KCNH1: variants seen among roughly 807,000 people sequenced by gnomAD.
KCNH1 encodes potassium voltage-gated channel subfamily H member 1.
KCNH1 carries 27 observed loss-of-function variants against 69.2 expected under a neutral mutation model. The observed-to-expected ratio is 0.39, with a 90% CI of 0.29 to 0.54. The LOEUF (loss-of-function observed/expected upper bound fraction) is 0.54, where lower values mean the gene tolerates loss of function less well. Among genes scored for constraint, KCNH1 ranks in the 20% least tolerant of loss-of-function variants. The probability of loss-of-function intolerance (pLI) is 0.68; values close to 1 mark genes in which losing one functional copy is unlikely to be tolerated. For synonymous variants in KCNH1, 456 were observed against 487.7 expected, an observed-to-expected ratio of 0.93 and a Z score of 0.86; for missense variants, 798 against 1,261.6, an observed-to-expected ratio of 0.63 and a Z score of 5.57.
At chr1:210,877,449 T>C (rs368236780) in intron 7 of KCNH1, among the ~76,000 whole-genome samples, 1 of 152,152 alleles carries the variant, frequency 6.6e-6, no homozygotes, top group South Asian at 2.1e-4. Flanking sequence ...GGGCAAAGAA[T>C]CCATTTCCTT....
At chr1:210,744,854 A>G (rs1683113662) in intron 10 of KCNH1, among the ~76,000 whole-genome samples, 1 of 152,148 alleles carries the variant, frequency 6.6e-6, no homozygotes, top group Non-Finnish European at 1.5e-5. Context: ...GGGATAAAGC[A>G]GGTGGCAAAG....
chr1:210,786,403 A>G (rs1320386879), intron 9 of KCNH1, among the ~76,000 whole-genome samples: 2 of 152,178 alleles, frequency 1.3e-5, no homozygotes, highest in Non-Finnish European at 2.9e-5. Flanking sequence ...ACACTTGAAA[A>G]TGACCATTTG....
intron 6 of KCNH1, among the ~76,000 whole-genome samples, chr1:210,959,304 G>T (rs2102354583): frequency 6.6e-6 from 1 of 152,226 alleles, no homozygotes; most frequent in Non-Finnish European, 1.5e-5. Flanking sequence ...TCCCAGAGGG[G>T]CACCCGCCTA....
intron 6 of KCNH1, among the ~76,000 whole-genome samples, chr1:210,942,161 C>T (rs1181425191): frequency 6.6e-6 from 1 of 152,152 alleles, no homozygotes; most frequent in Admixed American, 6.5e-5. Flanking sequence ...CTTAATCATT[C>T]TGTGTGGATT....
At chr1:210,922,900 T>C (rs1343930405) in intron 6 of KCNH1, among the ~76,000 whole-genome samples, 2 of 152,192 alleles carry the variant, frequency 1.3e-5, no homozygotes, top group South Asian at 4.1e-4. Flanking sequence ...CACCTCCTCA[T>C]AAGGAGGTCC....
intron 6 of KCNH1, among the ~76,000 whole-genome samples, chr1:211,017,348 C>A (rs937896252): frequency 6.6e-6 from 1 of 152,160 alleles, no homozygotes; most frequent in Non-Finnish European, 1.5e-5. Flanking sequence ...CGGCAGGGAG[C>A]AAGCTGTTCC....
At chr1:210,837,306 G>C (rs886373915) in intron 7 of KCNH1, among the ~76,000 whole-genome samples, 5 of 152,110 alleles carry the variant, frequency 3.3e-5, no homozygotes, top group African/African-American at 4.8e-5. Context: ...CCTGTGCTTA[G>C]CTCTATTGTA....
Position 211,097,740 on chromosome 1 carries a change from G to T in KCNH1, c.310+5756C>A, listed in dbSNP as rs531623207. Among the ~76,000 whole-genome samples the T allele has an allele frequency of 2.0e-5, 3 of 152,300 alleles. No individual in the cohort carries two copies. In the South Asian group the frequency reaches 6.2e-4, roughly 32 times the overall value. On this transcript the variant is annotated intron_variant, in intron 3 of 10. Transcript: ENST00000271751. ...TAGGTAATCAATATGTACCTGGCCA[G>T]CAGCTTCTCCTTGCTAGCACAGCAG...
chr1:210,690,597 A>T (rs1382743418), intron 10 of KCNH1, among the ~76,000 whole-genome samples: 2 of 152,218 alleles, frequency 1.3e-5, no homozygotes, highest in African/African-American at 4.8e-5. Flanking sequence ...GGCAGATAGG[A>T]TGAGGCAGTT....
chr1:210,980,819 ATG>A (rs57591026), intron 6 of KCNH1, among the ~76,000 whole-genome samples: 105,250 of 148,828 alleles, frequency 0.71, 37,379 homozygotes, highest in African/African-American at 0.8. Context: ...GTATTAGACA[ATG>A]TGTGTGTGTG....
chr1:211,105,353 C>A (rs1691331996), intron 2 of KCNH1, among the ~76,000 whole-genome samples: 1 of 152,036 alleles, frequency 6.6e-6, no homozygotes, highest in African/African-American at 2.4e-5. Flanking sequence ...AAAAGAAATC[C>A]CTGTAAAGTT....
chr1:210,715,494 C>CTGTT (rs981246109), intron 10 of KCNH1, among the ~76,000 whole-genome samples: 6 of 148,906 alleles, frequency 4.0e-5, no homozygotes, highest in African/African-American at 1.5e-4. Context: ...TAGCAAGACC[C>CTGTT]TGTTTCTATT....
At chr1:210,957,337 T>C (rs557309422) in intron 6 of KCNH1, among the ~76,000 whole-genome samples, 1 of 152,346 alleles carries the variant, frequency 6.6e-6, no homozygotes, top group South Asian at 2.1e-4. Flanking sequence ...TGTCCAATTA[T>C]GTTGTCAATT....
chr1:211,115,324 G>A (rs1056784923), intron 1 of KCNH1, among the ~76,000 whole-genome samples: 4 of 152,122 alleles, frequency 2.6e-5, no homozygotes, highest in African/African-American at 7.2e-5. Flanking sequence ...GACTACCTGT[G>A]ATGGTTAATA....
intron 7 of KCNH1, among the ~76,000 whole-genome samples, chr1:210,857,793 A>T (rs1685887476): frequency 6.6e-6 from 1 of 152,150 alleles, no homozygotes; most frequent in Non-Finnish European, 1.5e-5. Context: ...ATAAAGGCTT[A>T]TTTTTCAACT....
intron 5 of KCNH1, among the ~76,000 whole-genome samples, chr1:211,071,895 A>G (rs1690650845): frequency 1.3e-5 from 2 of 152,196 alleles, no homozygotes; most frequent in Non-Finnish European, 2.9e-5. Context: ...AAGCAAGAAG[A>G]TAAGTGGAGT....
rs371887532 is a variant in KCNH1 at position 210,797,591 on chromosome 1, G to A, written c.1832C>T (p.Ala611Val). 3.1e-6 allele frequency: 5 copies of A among 1,614,110 alleles called. No homozygotes were observed. The highest frequency in any genetic ancestry group is 3.4e-6 in the Non-Finnish European group (4 of 1,180,044). Residue 611 changes from alanine (A) to valine (V), a missense_variant, in exon 9 of 11, where the codon GCA (alanine) becomes GTA (valine). By Grantham distance (64) the Ala-to-Val change is moderately conservative. This residue lies in a region of KCNH1 where 197 missense variants were observed against 407.7 expected (regional missense o/e 0.48). Transcript: ENST00000271751. ...HCAPGDLIYH[A>V]GESVDSLCFV... is the part of the protein sequence containing the mutation. ...GCAGAGGCTGTCAACGCTCTCTCCT[G>A]CATGGTAGATGAGGTCCCCTGGGGC...
At chr1:211,026,395 AC>A (rs371993158) in intron 5 of KCNH1, among the ~76,000 whole-genome samples, 9 of 143,536 alleles carry the variant, frequency 6.3e-5, no homozygotes, top group East Asian at 2.0e-4. Flanking sequence ...AAAAAAAAAA[AC>A]AACCACAACA....
chr1:210,912,395 C>CT (rs5780615), intron 7 of KCNH1, among the ~76,000 whole-genome samples: 10 of 151,772 alleles, frequency 6.6e-5, no homozygotes, highest in South Asian at 4.2e-4. Context: ...GTCAGGCCAA[C>CT]TTTTTTTTTC....
Sources: gnomAD v4.1 joint callset for allele counts (sites outside exome capture counted in the v4.1 genomes callset) on GRCh38, gnomAD v4.1.1 for gene constraint, gnomAD v4.1.1 regional missense constraint, MANE v1.5 for transcripts, NCBI Gene and HGNC (gene_info 2026-07-23, HGNC 2026-07-21) for gene names.